MORN1: variants seen among roughly 807,000 people sequenced by gnomAD.
MORN1 encodes the protein MORN repeat-containing protein 1.
Under a neutral mutation model 61.9 loss-of-function variants are expected in MORN1, and 67 were observed. That is an observed-to-expected ratio of 1.08 (90% confidence interval 0.89 to 1.33). The LOEUF is 1.33. MORN1 is among the 40% of genes most tolerant of loss of function. The pLI is 0.00. For missense variants in MORN1, 752 were observed against 691.2 expected (o/e 1.09, Z -0.99); for synonymous variants, 301 against 292.0 (o/e 1.03, Z -0.31).
chr1:2,322,660 C>T (rs1389718395), intron 13 of MORN1: 14 of 985,466 alleles, frequency 1.4e-5, no homozygotes, highest in South Asian at 9.4e-5. Flanking sequence ...GCCTCCCTGG[C>T]GGGCGGAGGA....
At chr1:2,390,214 T>C (rs1642613626) in intron 1 of MORN1, among the ~76,000 whole-genome samples, 1 of 152,172 alleles carries the variant, frequency 6.6e-6, no homozygotes, top group Admixed American at 6.5e-5. Flanking sequence ...GATGAGGACC[T>C]ACTTGGTGCA....
intron 8 of MORN1, among the ~76,000 whole-genome samples, chr1:2,370,035 G>C (rs1557885777): frequency 6.6e-6 from 1 of 152,200 alleles, no homozygotes; most frequent in Non-Finnish European, 1.5e-5. Context: ...GCAGAGTCAA[G>C]ATCATTTTGA....
At chr1:2,322,056 T>C in intron 13 of MORN1, 3 of 985,414 alleles carry the variant, frequency 3.0e-6, no homozygotes, top group Non-Finnish European at 3.6e-6. Flanking sequence ...GGTTTGCTTT[T>C]GAAGCCCCGC....
In MORN1 at chr1:2,389,973, T is replaced by C. The variant is rs1177018545; in HGVS notation, c.100A>G (p.Asn34Asp). 1.2e-6 allele frequency: 2 copies of C among 1,614,044 alleles called. No homozygotes were observed. Among genetic ancestry groups the C allele is most frequent in the East Asian group, 2.2e-5 (1 of 44,890 alleles). Residue 34 changes from asparagine to aspartate, a missense_variant, in exon 2 of 14, where the codon AAT becomes GAT. Physicochemically the swap from Asn to Asp is conservative, Grantham distance 23 (BLOSUM62 1). Coordinates refer to ENST00000378531, the MANE Select transcript of MORN1 (RefSeq NM_024848.3). ...TCTCCTTCATATCGAAAGAAGGAATTTGGGTATACGTAGACACCATAACCT... is the reference window on the plus strand; with the variant it reads ...TCTCCTTCATATCGAAAGAAGGAATCTGGGTATACGTAGACACCATAACCT... ...RNGYGVYVYP[N>D]SFFRYEGEWK...
At position 2,336,825 on chromosome 1, in the gene MORN1, G is replaced by T. The variant is rs143883437; in HGVS notation, c.1062C>A (p.Pro354=). 6.3e-7 allele frequency: 1 copy of T among 1,587,326 alleles called. No individual in the cohort carries two copies. Among genetic ancestry groups the T allele is most frequent in the East Asian group, 2.2e-5 (1 of 44,520 alleles). ...CCTGCTCCACTCGCTGACAGGCCCC[G>T]GGACAATGGGGCGCATGTCCCCTGG... is the stretch of plus-strand genomic sequence containing the variant. ...LLARGHAPHC[P]GACQRVEQGC... Residue 354 remains proline, a synonymous_variant, in exon 11 of 14, where the codon CCC becomes CCA. Coordinates refer to ENST00000378531, the MANE Select transcript of MORN1 (RefSeq NM_024848.3).
At chr1:2,323,143 C>T (rs543779428) in intron 13 of MORN1, 201 of 985,412 alleles carry the variant, frequency 2.0e-4, no homozygotes, top group African/African-American at 7.7e-4. Context: ...ATGGCTGGGA[C>T]GCGGTGGACC....
intron 6 of MORN1, among the ~76,000 whole-genome samples, chr1:2,380,895 T>C (rs976226526): frequency 6.6e-6 from 1 of 152,198 alleles, no homozygotes; most frequent in Non-Finnish European, 1.5e-5. Flanking sequence ...ATTTGACTAA[T>C]GACACCACAA....
intron 1 of MORN1, chr1:2,390,608 G>A (rs1463701237): frequency 6.1e-6 from 6 of 985,268 alleles, no homozygotes; most frequent in South Asian, 4.7e-5. Context: ...GGAAAATGTC[G>A]GGGAGGAGGG....
chr1:2,321,719 C>G, intron 13 of MORN1, 140 bp from the exon 14 acceptor site: 1 of 1,202,328 alleles, frequency 8.3e-7, no homozygotes, highest in Non-Finnish European at 1.1e-6. Flanking sequence ...TTCTGGGATT[C>G]TTGGCACTGT....
At chr1:2,322,937 G>A in intron 13 of MORN1, 1 of 985,428 alleles carries the variant, frequency 1.0e-6, no homozygotes, top group Non-Finnish European at 1.2e-6. Flanking sequence ...ATCTAGCCCT[G>A]GGCCAGCTCT....
At position 2,379,299 on chromosome 1, in the gene MORN1, A is replaced by C. The variant is rs1193616473; in HGVS notation, c.538-4742T>G. 12 of 381,824 alleles carry C rather than the reference A, an allele frequency of 3.1e-5. No homozygotes were observed. In the East Asian group the frequency reaches 8.1e-4, roughly 26 times the overall value. The allele number at this position is 381,824 out of a possible 1,614,324, so 23.7% of individuals were successfully genotyped here. On this transcript the variant is annotated intron_variant, in intron 6 of 13. Coordinates refer to ENST00000378531, the MANE Select transcript of MORN1 (RefSeq NM_024848.3). The stretch of plus-strand genomic sequence containing the variant: ...AAGGCCAGGAGAGAGAGAAGAAAGG[A>C]CTTACCACTTTCTAGTCTTTTCAGA...
intron 10 of MORN1, chr1:2,355,045 G>T: frequency 3.9e-6 from 2 of 518,762 alleles, no homozygotes; most frequent in African/African-American, 2.1e-5. Context: ...CCCCCAGGTA[G>T]GATCCGCCCC....
intron 8 of MORN1, among the ~76,000 whole-genome samples, chr1:2,362,146 C>T (rs1352454307): frequency 6.6e-6 from 1 of 152,100 alleles, no homozygotes; most frequent in African/African-American, 2.4e-5. Flanking sequence ...GCAGGAGAAT[C>T]ACTTGAACCC....
intron 10 of MORN1, among the ~76,000 whole-genome samples, chr1:2,345,011 T>G (rs903396360): frequency 2.7e-5 from 4 of 149,908 alleles, no homozygotes; most frequent in Non-Finnish European, 5.9e-5. Context: ...TCCGGGAGGG[T>G]CCACGCGTGC....
Position 2,389,993 on chromosome 1 carries a change from T to C in MORN1, c.80A>G (p.Tyr27Cys). The change falls in exon 2 of 14, where the codon TAT becomes TGT. Residue 27 changes from tyrosine to cysteine, a missense_variant. Tyr to Cys is a radical substitution (Grantham distance 194, BLOSUM62 -2). Transcript: ENST00000378531. ...GGAATTTGGGTATACGTAGACACCA[T>C]AACCTGAGTATTGAGAAGACACACA... ...DPPRRPPRNG[Y>C]GVYVYPNSFF... 6.2e-7 allele frequency: 1 copy of C among 1,613,370 alleles called. No homozygotes were observed.
At chr1:2,323,890 G>A in intron 13 of MORN1, 1 of 985,120 alleles carries the variant, frequency 1.0e-6, no homozygotes, top group Non-Finnish European at 1.2e-6. Context: ...AAATCTTTCT[G>A]GACCGTCCCC....
Position 2,334,236 on chromosome 1 carries a change from G to T in MORN1, c.1250+2233C>A, listed in dbSNP as rs191628993. Among the ~76,000 whole-genome samples the T allele has an allele frequency of 3.3e-3, 503 of 152,168 alleles. 1 individual carries two copies. The highest frequency in any genetic ancestry group is 0.024 in the Middle Eastern group (7 of 294). ...CCACAGTTGAGGGCCTCTGGGTGGT[G>T]GGGGGGCAGCAGGTGTAAGAACGGT... On this transcript the variant is annotated intron_variant, in intron 12 of 13. Coordinates refer to ENST00000378531, the MANE Select transcript of MORN1 (RefSeq NM_024848.3). The surrounding 1 kb of genome is among the most constrained non-coding windows in gnomAD (Gnocchi z 5.4).
intron 6 of MORN1, among the ~76,000 whole-genome samples, chr1:2,383,809 C>T (rs568772729): frequency 4.6e-5 from 7 of 152,338 alleles, no homozygotes; most frequent in East Asian, 3.9e-4. Context: ...CTCTCAATTC[C>T]GCTAGTGCCT....
intron 13 of MORN1, chr1:2,322,501 A>G: frequency 2.0e-6 from 2 of 985,288 alleles, no homozygotes; most frequent in Non-Finnish European, 2.4e-6. Flanking sequence ...GGGCTGGACA[A>G]GAGCAAGCCT....
Sources: allele counts gnomAD v4.1 joint callset (sites outside exome capture counted in the v4.1 genomes callset), GRCh38; gene constraint gnomAD v4.1.1; non-coding constraint Gnocchi (gnomAD v3.1); transcripts MANE v1.5; gene names NCBI Gene and HGNC (gene_info 2026-07-23, HGNC 2026-07-21).